OPRPN: variants seen among roughly 807,000 people sequenced by gnomAD.
OPRPN encodes the protein basic proline-rich lacrimal protein.
OPRPN carries 1 observed loss-of-function variant against 2.2 expected under a neutral mutation model. The ratio of observed to expected loss-of-function variants is 0.45; its 90% confidence interval spans 0.16 to 2.15. The LOEUF is 2.15. Ranked by LOEUF, OPRPN falls within the 30% of genes most tolerant of loss-of-function variation. OPRPN has a pLI of 0.28. For synonymous variants in OPRPN, 126 were observed against 111.5 expected (o/e 1.13, Z -0.82); for missense variants, 306 against 297.3 (o/e 1.03, Z -0.21).
intron 2 of OPRPN, among the ~76,000 whole-genome samples, chr4:70,406,095 C>T (rs1460853529): frequency 1.3e-5 from 2 of 151,958 alleles, no homozygotes; most frequent in East Asian, 1.9e-4. Flanking sequence ...GAACCTCCAA[C>T]GTGCCAGAAA....
chr4:70,398,712 GA>G (rs1237543277), intron 1 of OPRPN, among the ~76,000 whole-genome samples: 3 of 151,660 alleles, frequency 2.0e-5, no homozygotes, highest in Admixed American at 6.6e-5. Flanking sequence ...GAATAACTTG[GA>G]AAAAAATCAT....
At chr4:70,409,356 T>C (rs1387297014) in intron 2 of OPRPN, 24 bp from the exon 3 acceptor site, 1 of 1,547,230 alleles carries the variant, frequency 6.5e-7, no homozygotes, top group Admixed American at 2.1e-5. Flanking sequence ...ATTTTGTTTT[T>C]TACCTTTGTT....
intron 2 of OPRPN, among the ~76,000 whole-genome samples, chr4:70,406,639 G>A (rs1733094558): frequency 6.6e-6 from 1 of 152,100 alleles, no homozygotes; most frequent in Non-Finnish European, 1.5e-5. Context: ...CTTTTATGAA[G>A]GCACAGGGAC....
intron 1 of OPRPN, 80 bp from the exon 2 acceptor site, chr4:70,399,191 A>C: frequency 1.1e-6 from 1 of 951,650 alleles, no homozygotes; most frequent in Non-Finnish European, 1.6e-6. Context: ...AACAAGTGTT[A>C]AAATGTTTTA....
rs376427797 is a variant in OPRPN at position 70,409,947 on chromosome 4, A to G, written c.619A>G (p.Ile207Val). ...AGCATCTACTGAAAATACTACTCAA[A>G]TTCTCGCCAACCGTCCTCACACAGT... ...PAASTENTTQ[I>V]LANRPHTVLL... Residue 207 changes from isoleucine to valine, a missense_variant, in exon 3 of 3, where the codon ATT becomes GTT. Transcript: ENST00000399575. 3.7e-6 allele frequency: 6 copies of G among 1,613,864 alleles called. No individual in the cohort carries two copies. Among genetic ancestry groups the G allele is most frequent in the Admixed American group, 1.7e-5 (1 of 59,990 alleles).
chr4:70,399,766 G>A (rs1732932664), intron 2 of OPRPN, among the ~76,000 whole-genome samples: 1 of 151,934 alleles, frequency 6.6e-6, no homozygotes, highest in African/African-American at 2.4e-5. Context: ...TCAATGCAAG[G>A]ATTGCTGATT....
At position 70,409,996 on chromosome 4, in the gene OPRPN, T is replaced by C; in HGVS notation, c.668T>C (p.Val223Ala). 1 of 1,612,820 alleles carries C rather than the reference T, an allele frequency of 6.2e-7. No individual in the cohort carries two copies. The highest frequency in any genetic ancestry group is 8.5e-7 in the Non-Finnish European group (1 of 1,179,652). Reference sequence around the variant, plus strand: ...GTATTGCTCAATGCCACTGTCCAAGTTACGACTTCCAACCAAACTATATTA... The same window carrying C: ...GTATTGCTCAATGCCACTGTCCAAGCTACGACTTCCAACCAAACTATATTA... ...HTVLLNATVQ[V>A]TTSNQTILSS... The change falls in exon 3 of 3, where the codon GTT (valine) becomes GCT (alanine). Residue 223 changes from valine to alanine, a missense_variant. Physicochemically the swap from Val to Ala is moderately conservative, Grantham distance 64 (BLOSUM62 0). Transcript: ENST00000399575.
At position 70,409,812 on chromosome 4, in the gene OPRPN, A is replaced by G. The variant is rs1408820139; in HGVS notation, c.484A>G (p.Thr162Ala). ...CACCACAAATCCCCCCACCACTGCAACAGCAACCACCAGCACTTCCACAAA... is the reference window on the plus strand; with the variant it reads ...CACCACAAATCCCCCCACCACTGCAGCAGCAACCACCAGCACTTCCACAAA... ...TITTNPPTTA[T>A]ATTSTSTKPT... The change falls in exon 3 of 3, where the codon ACA becomes GCA. Residue 162 changes from threonine (T) to alanine (A), a missense_variant. Physicochemically the swap from Thr to Ala is moderately conservative, Grantham distance 58. Transcript: ENST00000399575. 6.2e-7 allele frequency: 1 copy of G among 1,612,964 alleles called. No homozygotes were observed. The highest frequency in any genetic ancestry group is 1.7e-5 in the Admixed American group (1 of 59,908).
At position 70,409,611 on chromosome 4, in the gene OPRPN, C is replaced by A; in HGVS notation, c.283C>A (p.Gln95Lys). 3 of 1,613,860 alleles carry A rather than the reference C, an allele frequency of 1.9e-6. No individual in the cohort carries two copies. Among genetic ancestry groups the A allele is most frequent in the Non-Finnish European group, 2.5e-6 (3 of 1,179,722 alleles). ...ACTCTTTCCATTGGAATCTATTAGACAACCTCGACTCTTTCCGGGTTATCC... is the reference window on the plus strand; with the variant it reads ...ACTCTTTCCATTGGAATCTATTAGAAAACCTCGACTCTTTCCGGGTTATCC... The part of the protein sequence containing the change: ...SQLFPLESIR[Q>K]PRLFPGYPNL... The change falls in exon 3 of 3, where the codon CAA (glutamine) becomes AAA (lysine). Residue 95 changes from glutamine (Q) to lysine (K), a missense_variant. Gln to Lys is a moderately conservative substitution (Grantham distance 53). Transcript: ENST00000399575.
At chr4:70,407,461 T>C (rs572800835) in intron 2 of OPRPN, among the ~76,000 whole-genome samples, 1 of 152,382 alleles carries the variant, frequency 6.6e-6, no homozygotes, top group Non-Finnish European at 1.5e-5. Context: ...ATGACATCAC[T>C]ATGGCTCCCT....
At chr4:70,406,845 T>C (rs374360748) in intron 2 of OPRPN, among the ~76,000 whole-genome samples, 3 of 152,212 alleles carry the variant, frequency 2.0e-5, no homozygotes, top group South Asian at 2.1e-4. Flanking sequence ...TTCTAATTTA[T>C]ATTTATTCTT....
In OPRPN at chr4:70,409,793, A is replaced by C. The variant is rs372929922; in HGVS notation, c.465A>C (p.Thr155=). The change falls in exon 3 of 3, where the codon ACA becomes ACC. Residue 155 remains threonine, a synonymous_variant. Coordinates refer to ENST00000399575, the MANE Select transcript of OPRPN (RefSeq NM_021225.5). ...NITTADTTIT[T]NPPTTATATT... is the part of the protein sequence containing the mutation. ...CCACCGCAGATACAACAATCACCAC[A>C]AATCCCCCCACCACTGCAACAGCAA... The C allele has an allele frequency of 6.2e-7, 1 of 1,613,402 alleles. No homozygotes were observed. The highest frequency in any genetic ancestry group is 8.5e-7 in the Non-Finnish European group (1 of 1,179,690).
chr4:70,405,926 G>A (rs1733080018), intron 2 of OPRPN, among the ~76,000 whole-genome samples: 1 of 151,672 alleles, frequency 6.6e-6, no homozygotes, highest in Non-Finnish European at 1.5e-5. Flanking sequence ...AAAATAGCCA[G>A]GTATGGTGGT....
At chr4:70,398,635 A>G (rs1480792466) in intron 1 of OPRPN, among the ~76,000 whole-genome samples, 1 of 151,898 alleles carries the variant, frequency 6.6e-6, no homozygotes, top group Non-Finnish European at 1.5e-5. Context: ...GTTGAAAATT[A>G]TAAACAAATT....
intron 2 of OPRPN, among the ~76,000 whole-genome samples, chr4:70,402,504 TACTTATTGAGC>T (rs1270488509): frequency 1.3e-5 from 2 of 152,108 alleles, no homozygotes; most frequent in African/African-American, 4.8e-5. Flanking sequence ...CAACCCAAAA[TACTTATTGAGC>T]ACTTATTGTT....
At chr4:70,399,146 A>G (rs934393742) in intron 1 of OPRPN, 125 bp from the exon 2 acceptor site, 4 of 566,706 alleles carry the variant, frequency 7.1e-6, no homozygotes, top group Admixed American at 3.1e-5. Flanking sequence ...ACACATCTTT[A>G]AAGGTTATGT....
intron 2 of OPRPN, chr4:70,399,609 T>C (rs1732930209): frequency 3.9e-6 from 1 of 257,450 alleles, no homozygotes; most frequent in African/African-American, 2.2e-5. Context: ...AGATATCTCT[T>C]CCTTTTTATT....
chr4:70,409,729 A>ACCTTCCTATCTCTAAC lies in OPRPN; in HGVS notation c.405_420dup (p.Glu141SerfsTer4). ...CCTATTCCTTTTTTTCTTGCTATTT[A>ACCTTCCTATCTCTAAC]CCTTCCTATCTCTAACCCTGAGCCC... On this transcript the variant is annotated frameshift_variant, in exon 3 of 3. Coordinates refer to ENST00000399575, the MANE Select transcript of OPRPN (RefSeq NM_021225.5). LOFTEE classifies it low-confidence loss of function (END_TRUNC). 1 of 1,612,908 alleles carries ACCTTCCTATCTCTAAC rather than the reference A, an allele frequency of 6.2e-7. No homozygotes were observed.
intron 1 of OPRPN, among the ~76,000 whole-genome samples, chr4:70,398,559 C>T (rs1274731618): frequency 1.3e-5 from 2 of 151,884 alleles, no homozygotes; most frequent in African/African-American, 4.8e-5. Context: ...CCAAGACAAT[C>T]TGTCAGCCTA....
Sources: gnomAD v4.1 joint callset for allele counts (sites outside exome capture counted in the v4.1 genomes callset) on GRCh38, gnomAD v4.1.1 for gene constraint, MANE v1.5 for transcripts, NCBI Gene and HGNC (gene_info 2026-07-23, HGNC 2026-07-21) for gene names.